The following PRDM6 variants were observed in gnomAD, a reference collection of about 807,000 sequenced individuals.
PRDM6 encodes PR/SET domain 6, also known as putative histone-lysine N-methyltransferase PRDM6.
Under a neutral mutation model 60.8 loss-of-function variants are expected in PRDM6, and 25 were observed. That is an observed-to-expected ratio of 0.41 (90% CI 0.30 to 0.57). The LOEUF is 0.57. Among genes scored for constraint, PRDM6 ranks in the 20% least tolerant of loss-of-function variants. PRDM6 has a pLI of 0.27. For missense variants in PRDM6, 839 were observed against 821.3 expected (o/e 1.02, Z -0.26); for synonymous variants, 407 against 357.4 (o/e 1.14, Z -1.57).
intron 4 of PRDM6, among the ~76,000 whole-genome samples, chr5:123,158,767 G>T (rs994574385): frequency 1.3e-5 from 2 of 152,024 alleles, no homozygotes; most frequent in Admixed American, 6.5e-5. Flanking sequence ...TGAACTTGAG[G>T]TTCATATTTG....
At chr5:123,171,258 C>T (rs1765884829) in intron 6 of PRDM6, 150 bp downstream of exon 6, 8 of 673,140 alleles carry the variant, frequency 1.2e-5, no homozygotes, top group Non-Finnish European at 2.0e-5. Flanking sequence ...AAGACCACTG[C>T]TTGACTTTCT....
At position 123,090,264 on chromosome 5, in the gene PRDM6, G is replaced by C. The variant is rs1424234299; in HGVS notation, c.250G>C (p.Ala84Pro). The part of the protein sequence containing the change: ...ASLSSASSTP[A>P]SSSTSASSAS... ...TCTCTCCTCCGCCTCGTCCACGCCGGCTTCCTCTTCCACCTCCGCCTCCTC... is the reference window on the plus strand; with the variant it reads ...TCTCTCCTCCGCCTCGTCCACGCCGCCTTCCTCTTCCACCTCCGCCTCCTC... Residue 84 changes from alanine (A) to proline (P), a missense_variant, in exon 2 of 8, where the codon GCT (alanine) becomes CCT (proline). This residue lies in a region of PRDM6 where 730 missense variants were observed against 648.8 expected (regional missense o/e 1.13). Coordinates refer to ENST00000407847, the MANE Select transcript of PRDM6 (RefSeq NM_001136239.4). 1 of 1,374,966 alleles carries C rather than the reference G, an allele frequency of 7.3e-7. No homozygotes were observed. The highest frequency in any genetic ancestry group is 1.3e-5 in the South Asian group (1 of 77,624). 85.2% of individuals were successfully genotyped at this position (1,374,966 alleles called of 1,614,324 possible).
chr5:123,147,279 A>AGAGAGAGAGAGAGAGAGAG (rs1561853112), intron 3 of PRDM6, among the ~76,000 whole-genome samples: 1 of 147,484 alleles, frequency 6.8e-6, no homozygotes, highest in African/African-American at 2.5e-5. Context: ...TGATACTAAA[A>AGAGAGAGAGAGAGAGAGAG]AGAGAGAGAG....
At chr5:123,167,978 A>C (rs989826780) in intron 5 of PRDM6, among the ~76,000 whole-genome samples, 2 of 152,188 alleles carry the variant, frequency 1.3e-5, no homozygotes, top group Non-Finnish European at 2.9e-5. Flanking sequence ...TAGTAATGAA[A>C]GGGCCAAACA....
Position 123,116,600 on chromosome 5 carries a change from T to C in PRDM6, c.900+16639T>C, listed in dbSNP as rs138065682. 3.4e-3 allele frequency among the ~76,000 whole-genome samples: 513 copies of C among 152,290 alleles called. 1 individual carries two copies. Among genetic ancestry groups the C allele is most frequent in the African/African-American group, 9.6e-3 (400 of 41,566 alleles). On this transcript the variant is annotated intron_variant, in intron 3 of 7. Transcript: ENST00000407847. ...CAGTAGTTATTGGAGGGGATATGTA[T>C]GGAAATCAAACTCAATTATGTAGCA...
At chr5:123,097,515 A>G (rs1412410551) in intron 2 of PRDM6, among the ~76,000 whole-genome samples, 1 of 152,168 alleles carries the variant, frequency 6.6e-6, no homozygotes, top group Non-Finnish European at 1.5e-5. Context: ...AATGGGAATC[A>G]TGATACTTAG....
intron 6 of PRDM6, chr5:123,173,299 A>G (rs1242326802): frequency 6.1e-6 from 1 of 163,028 alleles, no homozygotes; most frequent in Admixed American, 6.5e-5. Flanking sequence ...TACCTGAAAA[A>G]CTAGAAAGCT....
chr5:123,126,202 G>C (rs1192583515), intron 3 of PRDM6, among the ~76,000 whole-genome samples: 1 of 152,128 alleles, frequency 6.6e-6, no homozygotes, highest in African/African-American at 2.4e-5. Context: ...ACATGCATAA[G>C]TAGGCCCAAT....
intron 6 of PRDM6, among the ~76,000 whole-genome samples, chr5:123,178,718 T>C (rs1380950805): frequency 6.6e-6 from 1 of 152,246 alleles, no homozygotes; most frequent in Non-Finnish European, 1.5e-5. Context: ...CTCAGTGTGC[T>C]GAAGCCTGGT....
At chr5:123,163,817 A>AGG in intron 5 of PRDM6, among the ~76,000 whole-genome samples, 1 of 152,218 alleles carries the variant, frequency 6.6e-6, no homozygotes, top group East Asian at 1.9e-4. Context: ...TTTCTGTCTC[A>AGG]GCATATGAAG....
At chr5:123,095,096 T>C (rs1763927487) in intron 2 of PRDM6, among the ~76,000 whole-genome samples, 1 of 152,224 alleles carries the variant, frequency 6.6e-6, no homozygotes, top group Admixed American at 6.5e-5. Flanking sequence ...ATCAATTGGC[T>C]CCCCTTCCGG....
chr5:123,116,520 G>C (rs1764450541), intron 3 of PRDM6, among the ~76,000 whole-genome samples: 2 of 152,154 alleles, frequency 1.3e-5, no homozygotes, highest in South Asian at 4.1e-4. Flanking sequence ...TCCAGATCCA[G>C]AGTTATCAAA....
intron 7 of PRDM6, among the ~76,000 whole-genome samples, chr5:123,181,526 G>A (rs904309405): frequency 1.3e-5 from 2 of 152,152 alleles, no homozygotes; most frequent in Non-Finnish European, 2.9e-5. Context: ...AGTTTTTATG[G>A]TCTGTGTGAT....
intron 3 of PRDM6, among the ~76,000 whole-genome samples, chr5:123,147,373 A>G (rs1430627200): frequency 6.6e-6 from 1 of 151,892 alleles, no homozygotes; most frequent in Non-Finnish European, 1.5e-5. Flanking sequence ...TAGGGTTACC[A>G]TTTTTTTCCT....
chr5:123,161,972 TG>T (rs1470909354), intron 5 of PRDM6, among the ~76,000 whole-genome samples: 2 of 151,684 alleles, frequency 1.3e-5, no homozygotes, highest in Non-Finnish European at 2.9e-5. Context: ...GTGGTGGAGG[TG>T]GTGAGAAGTA....
chr5:123,165,189 G>A (rs116245538), intron 5 of PRDM6, among the ~76,000 whole-genome samples: 2,418 of 152,292 alleles, frequency 0.016, 75 homozygotes, highest in African/African-American at 0.055. Context: ...CTCTCCAGCT[G>A]TCTTGGCAAC....
intron 3 of PRDM6, among the ~76,000 whole-genome samples, chr5:123,146,616 T>C (rs1467906340): frequency 6.6e-6 from 1 of 152,200 alleles, no homozygotes; most frequent in Non-Finnish European, 1.5e-5. Flanking sequence ...GTTGTTGTTG[T>C]TTCCAAAATC....
intron 3 of PRDM6, among the ~76,000 whole-genome samples, chr5:123,112,010 AACAG>A (rs757781146): frequency 4.0e-4 from 61 of 152,348 alleles, no homozygotes; most frequent in Non-Finnish European, 7.3e-4. Flanking sequence ...AAGAACTACT[AACAG>A]ACAGCAAAAT....
chr5:123,135,337 A>G (rs528269868), intron 3 of PRDM6, among the ~76,000 whole-genome samples: 2 of 152,202 alleles, frequency 1.3e-5, no homozygotes, highest in South Asian at 2.1e-4. Context: ...CTTTAAGGCA[A>G]CATTAAGACT....
Sources: allele counts gnomAD v4.1 joint callset (sites outside exome capture counted in the v4.1 genomes callset), GRCh38; gene constraint gnomAD v4.1.1; regional missense constraint gnomAD v4.1.1; transcripts MANE v1.5; gene names NCBI Gene and HGNC (gene_info 2026-07-23, HGNC 2026-07-21).